Variants in L3MBTL4 observed in about 807,000 individuals in gnomAD.
L3MBTL4 encodes the protein lethal(3)malignant brain tumor-like protein 4.
L3MBTL4 carries 70 observed loss-of-function variants against 84.5 expected under a neutral mutation model. The ratio of observed to expected loss-of-function variants is 0.83; its 90% CI spans 0.68 to 1.01. The LOEUF (loss-of-function observed/expected upper bound fraction) is 1.01. L3MBTL4 is among the 50% of genes least tolerant of loss of function. The probability of loss-of-function intolerance (pLI) is 0.00; values close to 1 mark genes in which losing one functional copy is unlikely to be tolerated. For synonymous variants in L3MBTL4, 274 were observed against 259.8 expected (o/e 1.05, Z -0.52); for missense variants, 715 against 754.8 (o/e 0.95, Z 0.62).
At chr18:6,255,140 A>G (rs2048084802) in intron 5 of L3MBTL4, among the ~76,000 whole-genome samples, 1 of 152,368 alleles carries the variant, frequency 6.6e-6, no homozygotes, top group Admixed American at 6.5e-5. Flanking sequence ...AAAATAGACA[A>G]GGATACTTCT....
chr18:6,322,193 C>G (rs567776050), intron 1 of L3MBTL4, among the ~76,000 whole-genome samples: 2 of 151,390 alleles, frequency 1.3e-5, no homozygotes, highest in South Asian at 2.1e-4. Context: ...CTCATATATA[C>G]AAATTTAAAA....
intron 16 of L3MBTL4, among the ~76,000 whole-genome samples, chr18:6,062,997 C>T (rs1172877720): frequency 6.6e-6 from 1 of 151,782 alleles, no homozygotes; most frequent in African/African-American, 2.4e-5. Context: ...CTCAACCTTC[C>T]TCCCTGAGTC....
chr18:5,995,620 C>T (rs946536492), intron 16 of L3MBTL4, among the ~76,000 whole-genome samples: 1 of 152,138 alleles, frequency 6.6e-6, no homozygotes, highest in African/African-American at 2.4e-5. Context: ...AAGAATGAGC[C>T]TTCGCACTTC....
chr18:6,007,315 C>T (rs927911533), intron 16 of L3MBTL4, among the ~76,000 whole-genome samples: 2 of 115,842 alleles, frequency 1.7e-5, no homozygotes, highest in African/African-American at 5.4e-5. Context: ...CACAAATGAC[C>T]CTTAAACATA....
intron 1 of L3MBTL4, among the ~76,000 whole-genome samples, chr18:6,339,645 G>A (rs941152198): frequency 6.6e-6 from 1 of 151,892 alleles, no homozygotes; most frequent in East Asian, 1.9e-4. Flanking sequence ...AATAGACAAA[G>A]CCAAAGGTTT....
chr18:6,165,881 C>T (rs1450547942), intron 13 of L3MBTL4, among the ~76,000 whole-genome samples: 1 of 152,156 alleles, frequency 6.6e-6, no homozygotes, highest in Non-Finnish European at 1.5e-5. Context: ...AAGACACAGA[C>T]TGGCAAATTG....
At chr18:6,295,346 C>CTCTCTCTCTATATATATATATATATATA (rs1261475809) in intron 4 of L3MBTL4, among the ~76,000 whole-genome samples, 1 of 81,390 alleles carries the variant, frequency 1.2e-5, no homozygotes, top group African/African-American at 6.6e-5. Context: ...CTCTCTCTCT[C>CTCTCTCTCTATATATATATATATATATA]TATATATATA....
At chr18:6,346,334 A>C (rs1000347056) in intron 1 of L3MBTL4, among the ~76,000 whole-genome samples, 2 of 151,880 alleles carry the variant, frequency 1.3e-5, no homozygotes, top group Non-Finnish European at 1.5e-5. Context: ...GCAAAAATAA[A>C]TAAGTGGGAT....
intron 4 of L3MBTL4, among the ~76,000 whole-genome samples, chr18:6,269,346 A>G (rs2048769195): frequency 6.6e-6 from 1 of 151,976 alleles, no homozygotes; most frequent in Admixed American, 6.6e-5. Flanking sequence ...AGTTCCAGCT[A>G]CTCGGGAGGC....
At chr18:6,190,371 A>G (rs2045015141) in intron 12 of L3MBTL4, among the ~76,000 whole-genome samples, 1 of 152,226 alleles carries the variant, frequency 6.6e-6, no homozygotes, top group Admixed American at 6.5e-5. Flanking sequence ...ACGGGTAGAT[A>G]CATATGTAAA....
chr18:6,303,876 T>C (rs2050453405), intron 3 of L3MBTL4, among the ~76,000 whole-genome samples: 1 of 151,916 alleles, frequency 6.6e-6, no homozygotes. Context: ...TAGCCGGGCG[T>C]AGTGGCGGGC....
intron 1 of L3MBTL4, among the ~76,000 whole-genome samples, chr18:6,334,000 G>A (rs376968679): frequency 1.3e-5 from 2 of 152,166 alleles, no homozygotes; most frequent in African/African-American, 2.4e-5. Flanking sequence ...CATTCCAAAC[G>A]ATGCAATATT....
intron 7 of L3MBTL4, among the ~76,000 whole-genome samples, chr18:6,242,871 T>A (rs1292456463): frequency 2.0e-5 from 3 of 152,192 alleles, no homozygotes; most frequent in African/African-American, 7.2e-5. Context: ...TTTTTCATAG[T>A]TCTTTGTTTT....
At chr18:6,216,165 T>C (rs978267467) in intron 10 of L3MBTL4, among the ~76,000 whole-genome samples, 2 of 152,166 alleles carry the variant, frequency 1.3e-5, no homozygotes, top group African/African-American at 2.4e-5. Flanking sequence ...GAAGGCTCCT[T>C]AGCAGTTTGA....
intron 16 of L3MBTL4, among the ~76,000 whole-genome samples, chr18:5,978,694 A>G (rs896497523): frequency 2.0e-5 from 3 of 152,214 alleles, no homozygotes; most frequent in African/African-American, 7.2e-5. Flanking sequence ...ATCTGTGAGT[A>G]GGACACAAAA....
intron 14 of L3MBTL4, among the ~76,000 whole-genome samples, chr18:6,098,381 C>T (rs191225398): frequency 3.9e-5 from 6 of 152,328 alleles, no homozygotes; most frequent in Admixed American, 3.9e-4. Context: ...CTCTAAGCCC[C>T]CTCTTGTTCC....
Position 6,078,157 on chromosome 18 carries a change from T to C in L3MBTL4, c.1444+2724A>G, listed in dbSNP as rs191326913. On this transcript the variant is annotated intron_variant, in intron 16 of 18. Transcript: ENST00000317931. The stretch of plus-strand genomic sequence containing the variant: ...TGGCAGGGGAAAAGGCTGGGTGCAG[T>C]GGCTCACACCTGTAATCCCAGCACT... 8.8e-3 allele frequency among the ~76,000 whole-genome samples: 1,297 copies of C among 147,958 alleles called. 14 individuals carry two copies. The highest frequency in any genetic ancestry group is 0.031 in the African/African-American group (1,256 of 40,258).
chr18:6,397,256 A>G (rs1568604030), intron 1 of L3MBTL4: 1 of 152,244 alleles, frequency 6.6e-6, no homozygotes, highest in African/African-American at 2.4e-5. Context: ...AGTTCACAGA[A>G]AAAAAGTAAA....
At chr18:6,407,760 T>A (rs28678231) in intron 1 of L3MBTL4, among the ~76,000 whole-genome samples, 3,346 of 152,264 alleles carry the variant, frequency 0.022, 133 homozygotes, top group African/African-American at 0.076. Flanking sequence ...ATCTAACATG[T>A]GCCAGACAAT....
Sources: allele counts gnomAD v4.1 joint callset (sites outside exome capture counted in the v4.1 genomes callset), GRCh38; gene constraint gnomAD v4.1.1; transcripts MANE v1.5; gene names NCBI Gene and HGNC (gene_info 2026-07-23, HGNC 2026-07-21).